REPS2: variants seen among roughly 807,000 people sequenced by gnomAD.
REPS2 encodes the protein ralBP1-associated Eps domain-containing protein 2.
Under a neutral mutation model 53.6 loss-of-function variants are expected in REPS2, and 23 were observed. The ratio of observed to expected loss-of-function variants is 0.43; its 90% CI spans 0.31 to 0.61. The LOEUF (loss-of-function observed/expected upper bound fraction) is 0.61, where lower values mean the gene tolerates loss of function less well. REPS2 is among the 20% of genes least tolerant of loss of function. The probability of loss-of-function intolerance (pLI) is 0.11; values close to 1 mark genes in which losing one functional copy is unlikely to be tolerated. For synonymous variants in REPS2, 238 were observed against 218.6 expected (o/e 1.09, Z -0.78); for missense variants, 446 against 534.9 (o/e 0.83, Z 1.64).
chrX:17,193,385 A>G, the REPS2 span, among the ~76,000 whole-genome samples: 1 of 110,943 alleles, frequency 9.0e-6, no homozygotes, highest in Non-Finnish European at 1.9e-5. Flanking sequence ...AGAATTTCTG[A>G]TTGGTTTGAG....
At chrX:17,088,963 A>C (rs894042414) in intron 13 of REPS2, among the ~76,000 whole-genome samples, 1 of 111,501 alleles carries the variant, frequency 9.0e-6, no homozygotes, top group Non-Finnish European at 1.9e-5. Flanking sequence ...ATCTACATTA[A>C]ATTAATTTGG....
intron 9 of REPS2, 88 bp downstream of exon 9, chrX:17,062,620 C>CT (rs1224763775): frequency 2.5e-4 from 155 of 613,276 alleles, no homozygotes; most frequent in Non-Finnish European, 3.0e-4. Flanking sequence ...GGAAAATGAA[C>CT]TTTTTTTTTG....
chrX:17,161,361 A>G, the REPS2 span, among the ~76,000 whole-genome samples: 1 of 112,105 alleles, frequency 8.9e-6, no homozygotes. Flanking sequence ...TAATCACAGT[A>G]ACTCTTAAAT....
At chrX:17,000,987 G>A (rs1311442869) in intron 1 of REPS2, among the ~76,000 whole-genome samples, 2 of 111,883 alleles carry the variant, frequency 1.8e-5, no homozygotes, top group Non-Finnish European at 3.8e-5. Context: ...ATGTAGGTTT[G>A]AGTACTGGCT....
intron 1 of REPS2, among the ~76,000 whole-genome samples, chrX:16,984,304 G>C (rs1427267986): frequency 8.9e-6 from 1 of 112,312 alleles, no homozygotes; most frequent in East Asian, 2.8e-4. Context: ...AGGGTTGCTT[G>C]ATTGTCATCA....
intron 1 of REPS2, among the ~76,000 whole-genome samples, chrX:16,955,003 G>A (rs1257370251): frequency 4.6e-5 from 5 of 108,473 alleles, no homozygotes; most frequent in African/African-American, 1.7e-4. Context: ...AGTAGAGATG[G>A]GGTTTCGCCA....
At chrX:17,110,932 T>C (rs2062961627) in intron 14 of REPS2, among the ~76,000 whole-genome samples, 1 of 111,281 alleles carries the variant, frequency 9.0e-6, no homozygotes, top group South Asian at 3.8e-4. Flanking sequence ...GAGAATTGCT[T>C]GAACCCAGGA....
intron 1 of REPS2, among the ~76,000 whole-genome samples, chrX:16,998,541 T>G (rs2061260912): frequency 8.9e-6 from 1 of 112,170 alleles, no homozygotes; most frequent in Non-Finnish European, 1.9e-5. Flanking sequence ...TATTGGCACA[T>G]AAAGAGCTTC....
chrX:17,130,976 TTAGTAACAACAACAACAATA>T (rs1177258818), intron 14 of REPS2, among the ~76,000 whole-genome samples: 1 of 112,082 alleles, frequency 8.9e-6, no homozygotes, highest in African/African-American at 3.2e-5. Context: ...ATAGTACCTA[TTAGTAACAACAACAACAATA>T]TAGTTATCGT....
chrX:17,067,790 A>C (rs990579846), intron 9 of REPS2, among the ~76,000 whole-genome samples: 3 of 111,998 alleles, frequency 2.7e-5, no homozygotes, highest in African/African-American at 6.5e-5. Context: ...CATAAAGAAC[A>C]GGTTTGTTCT....
intron 13 of REPS2, among the ~76,000 whole-genome samples, chrX:17,077,670 C>T (rs961227): frequency 0.025 from 2,863 of 112,511 alleles, 97 homozygotes; most frequent in African/African-American, 0.089. Context: ...AAATGCTTCA[C>T]TCCCATGCAG....
chrX:17,132,777 A>G (rs2148140407), intron 14 of REPS2, among the ~76,000 whole-genome samples: 1 of 111,886 alleles, frequency 8.9e-6, no homozygotes, highest in South Asian at 3.8e-4. Context: ...ACCTCAGGTG[A>G]TCCGCCTGCT....
chrX:16,999,096 T>C (rs2061267560), intron 1 of REPS2, among the ~76,000 whole-genome samples: 1 of 112,428 alleles, frequency 8.9e-6, no homozygotes, highest in Admixed American at 9.4e-5. Flanking sequence ...CCACTAGAGC[T>C]GCTTAGAATT....
intron 4 of REPS2, among the ~76,000 whole-genome samples, chrX:17,025,722 G>A (rs1013056233): frequency 9.0e-6 from 1 of 111,533 alleles, no homozygotes; most frequent in Non-Finnish European, 1.9e-5. Context: ...ACAGTTGTGG[G>A]GTTGCCTTCT....
At chrX:17,057,410 G>A (rs939533096) in intron 8 of REPS2, among the ~76,000 whole-genome samples, 4 of 112,840 alleles carry the variant, frequency 3.5e-5, no homozygotes, top group Admixed American at 1.9e-4. Context: ...CTGCTGCTAA[G>A]TGACAGGTAA....
intron 12 of REPS2, among the ~76,000 whole-genome samples, chrX:17,075,668 A>C (rs113172098): frequency 1.0e-3 from 114 of 112,458 alleles, no homozygotes; most frequent in African/African-American, 3.5e-3. Flanking sequence ...CACTTATTTT[A>C]TATTCAGTAA....
intron 12 of REPS2, among the ~76,000 whole-genome samples, 179 bp downstream of exon 12, chrX:17,074,338 G>C (rs967597457): frequency 5.4e-5 from 6 of 112,101 alleles, no homozygotes; most frequent in Non-Finnish European, 9.4e-5. Flanking sequence ...TGGGAGCCTT[G>C]GTTTCTGTGG....
Position 17,118,844 on chromosome X carries a change from A to C in REPS2, c.1579-14980A>C, listed in dbSNP as rs186641590. Among the ~76,000 whole-genome samples the C allele has an allele frequency of 1.4e-3, 159 of 112,454 alleles. 1 individual carries two copies. The Middle Eastern group carries it at 0.018, about 13-fold the overall frequency. On this transcript the variant is annotated intron_variant, in intron 14 of 17. Coordinates refer to ENST00000357277, the MANE Select transcript of REPS2 (RefSeq NM_004726.3). ...GGCCTTCACATTTGGTCTGTGGGAC[A>C]TATTTGATGTAGCAAAAGGCCAAGG...
At chrX:17,020,851 G>A (rs1357202945) in intron 2 of REPS2, among the ~76,000 whole-genome samples, 1 of 110,892 alleles carries the variant, frequency 9.0e-6, no homozygotes, top group Non-Finnish European at 1.9e-5. Context: ...GGTTAGTTTC[G>A]AACTCCTGAC....
Sources: allele counts gnomAD v4.1 joint callset (sites outside exome capture counted in the v4.1 genomes callset), GRCh38; gene constraint gnomAD v4.1.1; transcripts MANE v1.5; gene names NCBI Gene and HGNC (gene_info 2026-07-23, HGNC 2026-07-21).